The following EPHA5 variants were observed in gnomAD, a reference collection of about 807,000 sequenced individuals.
EPHA5 encodes the protein ephrin type-A receptor 5.
In EPHA5, 60 loss-of-function variants were observed where a neutral mutation model predicts 105.0. That is an observed-to-expected ratio of 0.57 (90% confidence interval 0.46 to 0.71). The LOEUF (loss-of-function observed/expected upper bound fraction) is 0.71. EPHA5 is among the 30% of genes least tolerant of loss of function. The pLI is 0.00. For missense variants in EPHA5, 1,218 were observed against 1,274.7 expected (o/e 0.96, Z 0.68); for synonymous variants, 513 against 449.1 (o/e 1.14, Z -1.80).
In EPHA5 at chr4:65,351,549, C is replaced by G. The variant is rs199801676; in HGVS notation, c.2285G>C (p.Gly762Ala). ...AAGGTACTTCATTCCTGCAGAGATA[C>G]CTCTCAGCATGCCAACAAGCTGAAT... ...TVIQLVGMLR[G>A]ISAGMKYLSD... is the part of the protein sequence containing the mutation. Residue 762 changes from glycine to alanine, a missense_variant, in exon 13 of 17, where the codon GGT becomes GCT. By Grantham distance (60) the Gly-to-Ala change is moderately conservative (BLOSUM62 0). This residue lies in a region of EPHA5 where 971 missense variants were observed against 1,013.5 expected (regional missense o/e 0.96). Transcript: ENST00000613740. 4.1e-4 allele frequency: 658 copies of G among 1,613,560 alleles called. 1 individual carries two copies. Among genetic ancestry groups the G allele is most frequent in the Non-Finnish European group, 5.1e-4 (607 of 1,179,748 alleles).
At chr4:65,457,157 G>C (rs1385312772) in intron 5 of EPHA5, among the ~76,000 whole-genome samples, 2 of 152,172 alleles carry the variant, frequency 1.3e-5, no homozygotes, top group Non-Finnish European at 2.9e-5. Flanking sequence ...GTAAGAATGA[G>C]TGGGAGAAAA....
Position 65,404,477 on chromosome 4 carries a change from C to A in EPHA5, c.1690G>T (p.Val564Phe). The A allele has an allele frequency of 6.2e-7, 1 of 1,613,402 alleles. No individual in the cohort carries two copies. Among genetic ancestry groups the A allele is most frequent in the Non-Finnish European group, 8.5e-7 (1 of 1,179,518 alleles). ...RFEFETTPVS[V>F]AASSDQSQIP... ...TGGCTTTGATCGCTGGATGCTGCAA[C>A]TGCTGATAGGAGATACAGAAAATGG... The change falls in exon 8 of 17, where the codon GTT becomes TTT. Residue 564 changes from valine to phenylalanine, a missense_variant and splice_region_variant. By Grantham distance (50) the Val-to-Phe change is conservative. Around this residue, in one of 3 missense-constraint regions of EPHA5, gnomAD observed 971 missense variants for 1,013.5 expected, o/e 0.96. Transcript: ENST00000613740.
At chr4:65,516,065 T>C (rs1241720843) in intron 3 of EPHA5, among the ~76,000 whole-genome samples, 1 of 152,126 alleles carries the variant, frequency 6.6e-6, no homozygotes, top group Non-Finnish European at 1.5e-5. Flanking sequence ...GCCTTCATCA[T>C]CACATGAGAT....
chr4:65,621,234 C>T (rs1267475955), intron 2 of EPHA5, among the ~76,000 whole-genome samples: 1 of 152,092 alleles, frequency 6.6e-6, no homozygotes, highest in Admixed American at 6.6e-5. Context: ...ACACAAATTG[C>T]CTCATTCTTT....
intron 8 of EPHA5, among the ~76,000 whole-genome samples, chr4:65,378,616 G>C (rs1035926015): frequency 2.0e-5 from 3 of 151,966 alleles, no homozygotes; most frequent in Non-Finnish European, 1.5e-5. Flanking sequence ...TGTTGTTTAT[G>C]GCTTCTTTAG....
At chr4:65,415,576 G>T (rs528749111) in intron 6 of EPHA5, among the ~76,000 whole-genome samples, 36 of 151,842 alleles carry the variant, frequency 2.4e-4, no homozygotes, top group African/African-American at 8.7e-4. Flanking sequence ...CTCTAAATAG[G>T]TATGGTATAA....
chr4:65,457,511 A>G (rs1303214184), intron 5 of EPHA5, among the ~76,000 whole-genome samples: 1 of 152,260 alleles, frequency 6.6e-6, no homozygotes, highest in African/African-American at 2.4e-5. Context: ...TTGAGAATAT[A>G]TTATATTTAT....
intron 3 of EPHA5, among the ~76,000 whole-genome samples, chr4:65,548,572 A>G (rs978500393): frequency 3.3e-5 from 5 of 152,084 alleles, no homozygotes; most frequent in African/African-American, 1.2e-4. Flanking sequence ...CACAAATTGA[A>G]GAAACTCTGA....
intron 6 of EPHA5, 31 bp downstream of exon 6, chr4:65,420,410 G>A (rs1431623411): frequency 3.3e-6 from 5 of 1,515,068 alleles, no homozygotes; most frequent in African/African-American, 1.4e-5. Flanking sequence ...AAAAAAGAAA[G>A]TGAGGACATT....
At chr4:65,399,435 A>G (rs1721595572) in intron 8 of EPHA5, among the ~76,000 whole-genome samples, 1 of 152,208 alleles carries the variant, frequency 6.6e-6, no homozygotes, top group Non-Finnish European at 1.5e-5. Context: ...GCGAGTGGGC[A>G]GAACGAGCCT....
chr4:65,664,247 C>G (rs566016636), intron 1 of EPHA5, among the ~76,000 whole-genome samples: 1 of 151,862 alleles, frequency 6.6e-6, no homozygotes, highest in Non-Finnish European at 1.5e-5. Flanking sequence ...ATTATTTAGA[C>G]TAGATTTTCA....
intron 16 of EPHA5, among the ~76,000 whole-genome samples, chr4:65,326,112 T>G (rs1350478523): frequency 6.7e-6 from 1 of 150,054 alleles, no homozygotes; most frequent in Non-Finnish European, 1.5e-5. Context: ...ACACACCAAT[T>G]TAGACACATA....
At chr4:65,559,388 C>T (rs1738782057) in intron 3 of EPHA5, among the ~76,000 whole-genome samples, 1 of 152,110 alleles carries the variant, frequency 6.6e-6, no homozygotes, top group South Asian at 2.1e-4. Context: ...ATTCCAACAG[C>T]TGTCACACCA....
intron 5 of EPHA5, among the ~76,000 whole-genome samples, chr4:65,465,465 GAAAAA>G (rs1728538921): frequency 2.1e-5 from 1 of 47,484 alleles, no homozygotes; most frequent in Admixed American, 2.8e-4. Flanking sequence ...AGAAAAGAAA[GAAAAA>G]GAAAGAAAGA....
At chr4:65,525,484 T>C (rs957003094) in intron 3 of EPHA5, among the ~76,000 whole-genome samples, 2 of 151,870 alleles carry the variant, frequency 1.3e-5, no homozygotes, top group Admixed American at 6.6e-5. Flanking sequence ...CAATGTTTGC[T>C]ACAAGTCTCT....
At chr4:65,669,540 G>A (rs1750269619) in intron 1 of EPHA5, 22 bp downstream of exon 1, 1 of 1,369,304 alleles carries the variant, frequency 7.3e-7, no homozygotes, top group East Asian at 2.8e-5. Flanking sequence ...GGTCGCCACG[G>A]TCCCCACCCC....
At chr4:65,406,356 C>T (rs1387653673) in intron 7 of EPHA5, among the ~76,000 whole-genome samples, 1 of 152,164 alleles carries the variant, frequency 6.6e-6, no homozygotes, top group African/African-American at 2.4e-5. Context: ...CTCTATTTAA[C>T]TTACCCTCCA....
At chr4:65,433,672 T>C (rs1245148115) in intron 5 of EPHA5, among the ~76,000 whole-genome samples, 1 of 152,156 alleles carries the variant, frequency 6.6e-6, no homozygotes, top group Non-Finnish European at 1.5e-5. Flanking sequence ...AGGGCTGTGT[T>C]TCTTCTGGAG....
chr4:65,571,784 A>G (rs1451618726), intron 3 of EPHA5, among the ~76,000 whole-genome samples: 1 of 152,038 alleles, frequency 6.6e-6, no homozygotes, highest in Non-Finnish European at 1.5e-5. Context: ...CTTTCTATGT[A>G]GTCAAAATTC....
Sources: allele counts gnomAD v4.1 joint callset (sites outside exome capture counted in the v4.1 genomes callset), GRCh38; gene constraint gnomAD v4.1.1; regional missense constraint gnomAD v4.1.1; transcripts MANE v1.5; gene names NCBI Gene and HGNC (gene_info 2026-07-23, HGNC 2026-07-21).